KIAA1217: variants seen among roughly 807,000 people sequenced by gnomAD.
KIAA1217 encodes the protein sickle tail protein homolog.
KIAA1217 carries 88 observed loss-of-function variants against 163.9 expected under a neutral mutation model. The ratio of observed to expected loss-of-function variants is 0.54; its 90% CI spans 0.45 to 0.64. KIAA1217 has a LOEUF of 0.64. Ranked by LOEUF, KIAA1217 falls within the 30% of genes least tolerant of loss-of-function variation. The pLI, the probability that KIAA1217 is intolerant of heterozygous loss-of-function variation, is 0.00. For missense variants in KIAA1217, 2,372 were observed against 2,475.0 expected (o/e 0.96, Z 0.88); for synonymous variants, 903 against 923.1 (o/e 0.98, Z 0.39).
intron 2 of KIAA1217, among the ~76,000 whole-genome samples, chr10:24,311,328 G>A (rs759034553): frequency 1.4e-4 from 21 of 152,292 alleles, no homozygotes; most frequent in African/African-American, 3.1e-4. Flanking sequence ...CTACTCTGCC[G>A]TGGTTGAAGT....
intron 1 of KIAA1217, among the ~76,000 whole-genome samples, chr10:23,879,728 G>A (rs1840864946): frequency 6.6e-6 from 1 of 151,958 alleles, no homozygotes; most frequent in Non-Finnish European, 1.5e-5. Context: ...GTTAGCTAAA[G>A]TAGGAGGTGG....
At chr10:23,797,448 C>T (rs1048990091) in intron 1 of KIAA1217, among the ~76,000 whole-genome samples, 5 of 152,134 alleles carry the variant, frequency 3.3e-5, no homozygotes, top group East Asian at 1.9e-4. Flanking sequence ...CTCCAAAACT[C>T]GTGTTTCTGT....
intron 1 of KIAA1217, among the ~76,000 whole-genome samples, chr10:23,960,822 T>C (rs2131372387): frequency 6.6e-6 from 1 of 152,344 alleles, no homozygotes; most frequent in African/African-American, 2.4e-5. Context: ...TTGTTTATTT[T>C]ACAATAAGAA....
At chr10:24,409,997 C>CTTTTTTTTTTTTTTTTTTTTT (rs71397947) in intron 3 of KIAA1217, among the ~76,000 whole-genome samples, 1 of 123,872 alleles carries the variant, frequency 8.1e-6, no homozygotes, top group African/African-American at 3.1e-5. Context: ...TTTCTTTTTT[C>CTTTTTTTTTTTTTTTTTTTTT]TTTTTTTTTT....
chr10:23,971,838 T>A (rs1170680018), intron 1 of KIAA1217, among the ~76,000 whole-genome samples: 2 of 152,138 alleles, frequency 1.3e-5, no homozygotes, highest in Non-Finnish European at 2.9e-5. Flanking sequence ...CCACCTATTC[T>A]CTCTGAAAAC....
At chr10:24,166,365 A>G (rs561332210) in intron 2 of KIAA1217, among the ~76,000 whole-genome samples, 9 of 152,334 alleles carry the variant, frequency 5.9e-5, no homozygotes, top group Admixed American at 5.9e-4. Flanking sequence ...GGGTACAAAT[A>G]TACACTTAGA....
intron 1 of KIAA1217, among the ~76,000 whole-genome samples, chr10:23,864,488 T>C (rs1840091151): frequency 1.3e-5 from 2 of 148,958 alleles, no homozygotes; most frequent in Non-Finnish European, 3.0e-5. Context: ...TTATTCTAGA[T>C]TTTTTCCATT....
chr10:23,699,275 ATCT>A (rs1380657283), intron 1 of KIAA1217, among the ~76,000 whole-genome samples: 2 of 152,172 alleles, frequency 1.3e-5, no homozygotes, highest in Non-Finnish European at 2.9e-5. Context: ...TGTTCCCCAC[ATCT>A]TCTTTCCTAC....
In KIAA1217 at chr10:24,054,365, A is replaced by C. The variant is rs191356911; in HGVS notation, c.-171+46991A>C. Reference sequence around the variant, plus strand: ...CAGTATATGAGTGCTATTTAAAGCCATGGGATTGGATGAACACCTAGGGAG... The same window carrying C: ...CAGTATATGAGTGCTATTTAAAGCCCTGGGATTGGATGAACACCTAGGGAG... On this transcript the variant is annotated intron_variant, in intron 2 of 18. Transcript: ENST00000376462. Among the ~76,000 whole-genome samples, 3 of 152,324 alleles carry C rather than the reference A, an allele frequency of 2.0e-5. No individual in the cohort carries two copies. In the East Asian group the frequency reaches 5.8e-4, roughly 29 times the overall value.
At chr10:24,175,619 G>A (rs1380767505) in intron 2 of KIAA1217, among the ~76,000 whole-genome samples, 1 of 152,162 alleles carries the variant, frequency 6.6e-6, no homozygotes, top group East Asian at 1.9e-4. Context: ...CTTCAAGAAT[G>A]AAGCCATGGA....
chr10:24,546,456 A>C lies in KIAA1217; in HGVS notation c.*132A>C. On this transcript the variant is annotated 3_prime_UTR_variant, in exon 21 of 21. Transcript: ENST00000376454. ...GCTTAATGCTAAATATGTGCTAAAT[A>C]CTGGATTAATAGATTTCAGTAAAGC... is the stretch of plus-strand genomic sequence containing the variant. The C allele has an allele frequency of 1.0e-6, 1 of 966,418 alleles. No individual in the cohort carries two copies. 59.9% of individuals were successfully genotyped at this position (966,418 alleles called of 1,614,324 possible).
chr10:24,342,572 A>G lies in KIAA1217; in HGVS notation c.355-38297A>G, dbSNP rs75812393. On this transcript the variant is annotated intron_variant, in intron 2 of 20. Coordinates refer to ENST00000376454, the MANE Select transcript of KIAA1217 (RefSeq NM_019590.5). ...ACATTTATAAAAATTATAATAATCT[A>G]CAGTTACTCTGTATGTCGCTTCTCC... Among the ~76,000 whole-genome samples, 97 of 152,066 alleles carry G rather than the reference A, an allele frequency of 6.4e-4. 1 individual carries two copies. The East Asian group carries it at 0.014, about 22-fold the overall frequency.
intron 1 of KIAA1217, among the ~76,000 whole-genome samples, chr10:23,845,672 A>T (rs926447627): frequency 2.0e-5 from 3 of 152,114 alleles, no homozygotes; most frequent in Non-Finnish European, 4.4e-5. Context: ...AATTTCTCCC[A>T]TTCTGTAGGT....
intron 1 of KIAA1217, among the ~76,000 whole-genome samples, chr10:23,819,396 C>T (rs190709404): frequency 2.6e-5 from 4 of 152,240 alleles, no homozygotes; most frequent in Non-Finnish European, 4.4e-5. Flanking sequence ...AATTCAGGAT[C>T]AACCTTGAAC....
intron 2 of KIAA1217, among the ~76,000 whole-genome samples, chr10:24,141,439 A>C (rs1252998152): frequency 6.6e-6 from 1 of 152,128 alleles, no homozygotes; most frequent in African/African-American, 2.4e-5. Context: ...AGAATAAATA[A>C]AGTCTCAGAT....
rs539493233 is a variant in KIAA1217 at position 24,530,312 on chromosome 10, T to G, written c.3083-1518T>G. On this transcript the variant is annotated intron_variant, in intron 14 of 20. Coordinates refer to ENST00000376454, the MANE Select transcript of KIAA1217 (RefSeq NM_019590.5). ...ACTTTTAAATTACTCCCCAAGGTAT[T>G]TTGACTTAGTTAAAATGCTCTTGTT... 5.2e-4 allele frequency among the ~76,000 whole-genome samples: 79 copies of G among 152,122 alleles called. 1 individual carries two copies. The highest frequency in any genetic ancestry group is 1.9e-3 in the African/African-American group (79 of 41,546).
At chr10:24,233,399 A>G (rs1440040045) in intron 2 of KIAA1217, among the ~76,000 whole-genome samples, 1 of 152,152 alleles carries the variant, frequency 6.6e-6, no homozygotes, top group Non-Finnish European at 1.5e-5. Context: ...AACACCTCCC[A>G]TTAGGCCCCT....
chr10:24,228,555 G>A (rs2070912762), intron 2 of KIAA1217, among the ~76,000 whole-genome samples: 1 of 151,972 alleles, frequency 6.6e-6, no homozygotes, highest in African/African-American at 2.4e-5. Flanking sequence ...TCCCTCTTGC[G>A]ATCATGCCAT....
chr10:24,168,293 T>G (rs1475339538), intron 2 of KIAA1217, among the ~76,000 whole-genome samples: 1 of 152,106 alleles, frequency 6.6e-6, no homozygotes, highest in Non-Finnish European at 1.5e-5. Flanking sequence ...TAAAGCTTAC[T>G]TATAAGGAGG....
Sources: allele counts gnomAD v4.1 joint callset (sites outside exome capture counted in the v4.1 genomes callset), GRCh38; gene constraint gnomAD v4.1.1; transcripts MANE v1.5; gene names NCBI Gene and HGNC (gene_info 2026-07-23, HGNC 2026-07-21).